The following SCN1A variants were observed in gnomAD, a reference collection of about 807,000 sequenced individuals.
The protein encoded by SCN1A is sodium channel protein type 1 subunit alpha.
A neutral mutation model predicts 193.7 loss-of-function variants in SCN1A; 13 were observed. The ratio of observed to expected loss-of-function variants is 0.07; its 90% CI spans 0.04 to 0.11. The LOEUF is 0.11. Ranked by LOEUF, SCN1A falls within the 10% of genes least tolerant of loss-of-function variation. The probability of loss-of-function intolerance (pLI) is 1.00; values close to 1 mark genes in which losing one functional copy is unlikely to be tolerated. For missense variants in SCN1A, 1,432 were observed against 2,451.1 expected, an observed-to-expected ratio of 0.58 and a Z score of 8.78; for synonymous variants, 781 against 843.6, an observed-to-expected ratio of 0.93 and a Z score of 1.29.
intron 2 of SCN1A, among the ~76,000 whole-genome samples, chr2:166,106,659 TGTG>T (rs1688726839): frequency 6.6e-6 from 1 of 152,124 alleles, no homozygotes; most frequent in Admixed American, 6.5e-5. Context: ...ATATAGAGGC[TGTG>T]AAGTCACCAA....
intron 1 of SCN1A, among the ~76,000 whole-genome samples, chr2:166,139,027 C>G (rs1381300180): frequency 2.6e-5 from 4 of 152,198 alleles, no homozygotes; most frequent in Admixed American, 2.6e-4. Flanking sequence ...TGTAGTTCCT[C>G]TGTTTTGGCC....
chr2:166,096,049 G>A (rs1687341145), intron 2 of SCN1A, among the ~76,000 whole-genome samples: 1 of 152,056 alleles, frequency 6.6e-6, no homozygotes, highest in Admixed American at 6.6e-5. Context: ...TCCAGTTTTG[G>A]ATTCATGTTA....
intron 2 of SCN1A, among the ~76,000 whole-genome samples, chr2:166,100,057 C>A (rs1687868357): frequency 8.1e-6 from 1 of 123,728 alleles, no homozygotes; most frequent in South Asian, 2.7e-4. Flanking sequence ...ATCGCCAAGG[C>A]AATCCTAAGC....
chr2:166,081,278 A>G (rs1315598202), intron 2 of SCN1A, among the ~76,000 whole-genome samples: 1 of 151,998 alleles, frequency 6.6e-6, no homozygotes, highest in Non-Finnish European at 1.5e-5. Context: ...ACGATAGCTC[A>G]CAATGAAGTA....
At chr2:166,095,397 T>C (rs545117321) in intron 2 of SCN1A, among the ~76,000 whole-genome samples, 124 of 152,330 alleles carry the variant, frequency 8.1e-4, no homozygotes, top group African/African-American at 2.6e-3. Flanking sequence ...TTTCCCTTAG[T>C]ACGAATTACT....
In SCN1A at chr2:166,118,302, CTTTTTTTT is replaced by C. The variant is rs61002916; in HGVS notation, c.-142+8614_-142+8621del. ...TTGCTTACTGATTTCTATTTAGTTTCTTTTTTTTTTTTTTTTTTTTTTTTTTTTGAGAA... is the reference window on the plus strand; with the variant it reads ...TTGCTTACTGATTTCTATTTAGTTTCTTTTTTTTTTTTTTTTTTTTGAGAA... On this transcript the variant is annotated intron_variant, in intron 2 of 28. Transcript: ENST00000674923. Among the ~76,000 whole-genome samples the C allele has an allele frequency of 4.6e-4, 37 of 81,074 alleles. 4 individuals carry two copies. The highest frequency in any genetic ancestry group is 8.1e-4 in the African/African-American group (16 of 19,762). The allele number at this position is 81,074 out of a possible 152,430, so 53.2% of individuals were successfully genotyped here. A position where few individuals can be genotyped will look rare whatever the true frequency, so the allele number is the denominator to read the frequency against.
chr2:166,118,006 A>G (rs1233068572), intron 2 of SCN1A, among the ~76,000 whole-genome samples: 4 of 151,856 alleles, frequency 2.6e-5, no homozygotes, highest in Non-Finnish European at 5.9e-5. Flanking sequence ...TATATTCTAT[A>G]TGCATTAAAG....
chr2:166,007,503 CACG>C lies in SCN1A; in HGVS notation c.4002+2213_4002+2215del, dbSNP rs968976292. Among the ~76,000 whole-genome samples the C allele has an allele frequency of 1.3e-5, 2 of 151,204 alleles. No individual in the cohort carries two copies. The highest frequency in any genetic ancestry group is 3.0e-5 in the Non-Finnish European group (2 of 67,474). On this transcript the variant is annotated intron_variant, in intron 23 of 28. Transcript: ENST00000674923. ...CAAATTTTATTTTACCCTAGATATTCACGACATCAATTCACTCAGTTTAATTTT... is the reference window on the plus strand; with the variant it reads ...CAAATTTTATTTTACCCTAGATATTCACATCAATTCACTCAGTTTAATTTT...
chr2:166,042,429 A>G lies in SCN1A; in HGVS notation c.2044-5T>C, dbSNP rs1392644384. ...TTCAGTTTCAGTGGTTGTTCCCTGT[A>G]AAAAAAAATGCTAATGCATTAAACA... is the stretch of plus-strand genomic sequence containing the variant. On this transcript the variant is annotated splice_polypyrimidine_tract_variant and splice_region_variant and intron_variant, in intron 14 of 28. Transcript: ENST00000674923. 1 of 1,545,062 alleles carries G rather than the reference A, an allele frequency of 6.5e-7. No homozygotes were observed. The highest frequency in any genetic ancestry group is 2.3e-5 in the East Asian group (1 of 42,796).
In SCN1A at chr2:165,992,546, C is replaced by CTA. The variant is rs1227455728; in HGVS notation, c.4853-126_4853-125dup. 8.2e-6 allele frequency: 6 copies of CTA among 730,002 alleles called. No individual in the cohort carries two copies. The highest frequency in any genetic ancestry group is 5.1e-5 in the Admixed American group (2 of 39,116). 45.2% of individuals were successfully genotyped at this position (730,002 alleles called of 1,614,324 possible). Reference sequence around the variant, plus strand: ...AACCCAGTTATATTAAATATGACAACTATATATAATATATATATAATTGTA... The same window carrying CTA: ...AACCCAGTTATATTAAATATGACAACTATATATATAATATATATATAATTGTA... On this transcript the variant is annotated intron_variant, in intron 28 of 28. Coordinates refer to ENST00000674923, the MANE Select transcript of SCN1A (RefSeq NM_001165963.4). The surrounding 1 kb of genome is among the most constrained non-coding windows in gnomAD (Gnocchi z 6.5).
Position 165,991,995 on chromosome 2 carries a change from A to G in SCN1A, c.5280T>C (p.Ser1760=), listed in dbSNP as rs1488435686. ...SSVKGDCGNP[S]VGIFFFVSYI... ...AACTGACAAAAAAGAAAATTCCAAC[A>G]GATGGGTTCCCACAGTCTCCCTTAA... is the stretch of plus-strand genomic sequence containing the variant. The change falls in exon 29 of 29, where the codon TCT becomes TCC. Residue 1760 remains serine (S), a synonymous_variant. Transcript: ENST00000674923. 1 of 1,613,890 alleles carries G rather than the reference A, an allele frequency of 6.2e-7. No homozygotes were observed. The highest frequency in any genetic ancestry group is 1.3e-5 in the African/African-American group (1 of 74,904).
chr2:166,032,386 A>G (rs1695765625), intron 19 of SCN1A, among the ~76,000 whole-genome samples: 1 of 152,122 alleles, frequency 6.6e-6, no homozygotes, highest in Non-Finnish European at 1.5e-5. Flanking sequence ...TTAATATACT[A>G]CAGGCAGCAT....
rs148500164 is a variant in SCN1A at position 166,038,283 on chromosome 2, C to T, written c.2590-151G>A. On this transcript the variant is annotated intron_variant, in intron 17 of 28. Transcript: ENST00000674923. ...GGCTCATGGCTAATTTTTGGACTCC[C>T]TAGGAAAAGCTGGATTTTCCATATT... The T allele has an allele frequency of 3.0e-4, 186 of 623,682 alleles. 2 individuals are homozygous for T. Among genetic ancestry groups the T allele is most frequent in the Middle Eastern group, 2.6e-3 (6 of 2,338 alleles). The allele number at this position is 623,682 out of a possible 1,614,324, so 38.6% of individuals were successfully genotyped here.
intron 2 of SCN1A, among the ~76,000 whole-genome samples, chr2:166,078,110 C>G (rs1002600842): frequency 4.0e-5 from 6 of 151,696 alleles, no homozygotes; most frequent in African/African-American, 1.5e-4. Flanking sequence ...TACATTTGTG[C>G]AAACCCATAG....
intron 4 of SCN1A, among the ~76,000 whole-genome samples, chr2:166,062,955 G>T (rs1683470386): frequency 6.6e-6 from 1 of 152,012 alleles, no homozygotes; most frequent in Non-Finnish European, 1.5e-5. Flanking sequence ...GGTGGTGGAG[G>T]AGAAAAGGTT....
chr2:166,044,491 T>G (rs1236048109), intron 13 of SCN1A, among the ~76,000 whole-genome samples: 2 of 152,324 alleles, frequency 1.3e-5, no homozygotes, highest in East Asian at 3.9e-4. Flanking sequence ...TTAGTCCACC[T>G]TTCTAAAATC....
At chr2:166,056,692 T>G (rs973887348) in intron 5 of SCN1A, among the ~76,000 whole-genome samples, 192 bp from the exon 6 acceptor site, 2 of 152,096 alleles carry the variant, frequency 1.3e-5, no homozygotes, top group African/African-American at 4.8e-5. Context: ...TCACCTTCAC[T>G]GAGTATTTGT....
At chr2:166,080,643 A>G (rs1012980935) in intron 2 of SCN1A, among the ~76,000 whole-genome samples, 12 of 151,764 alleles carry the variant, frequency 7.9e-5, no homozygotes, top group Admixed American at 5.3e-4. Context: ...GAAAAAAATA[A>G]TCCAAAAGAA....
At position 165,988,610 on chromosome 2, in the gene SCN1A, T is replaced by C. The variant is rs1220872023; in HGVS notation, c.*2635A>G. ...AGGAATTGGAGAAGAAATATTCCTATGTCAATCTTCTCTCTCTGGTGCTTT... is the reference window on the plus strand; with the variant it reads ...AGGAATTGGAGAAGAAATATTCCTACGTCAATCTTCTCTCTCTGGTGCTTT... On this transcript the variant is annotated 3_prime_UTR_variant, in exon 29 of 29. Coordinates refer to ENST00000674923, the MANE Select transcript of SCN1A (RefSeq NM_001165963.4). 2 of 152,142 alleles carry C rather than the reference T, an allele frequency of 1.3e-5. No individual in the cohort carries two copies. Among genetic ancestry groups the C allele is most frequent in the African/African-American group, 4.8e-5 (2 of 41,428 alleles). The allele number at this position is 152,142 out of a possible 1,614,324, so 9.4% of individuals were successfully genotyped here. A position where few individuals can be genotyped will look rare whatever the true frequency, so the allele number is the denominator to read the frequency against.
Sources: allele counts gnomAD v4.1 joint callset (sites outside exome capture counted in the v4.1 genomes callset), GRCh38; gene constraint gnomAD v4.1.1; non-coding constraint Gnocchi (gnomAD v3.1); transcripts MANE v1.5; gene names NCBI Gene and HGNC (gene_info 2026-07-23, HGNC 2026-07-21).